AGT: variants seen among roughly 807,000 people sequenced by gnomAD.
AGT encodes the protein angiotensinogen, also known as alpha-1 antiproteinase, antitrypsin.
A neutral mutation model predicts 28.1 loss-of-function variants in AGT; 26 were observed. That is an observed-to-expected ratio of 0.92 (90% confidence interval 0.68 to 1.28). The LOEUF is 1.28. Ranked by LOEUF, AGT falls within the 50% of genes most tolerant of loss-of-function variation. AGT has a pLI of 0.00. For synonymous variants in AGT, 259 were observed against 259.6 expected (o/e 1.00, Z 0.02); for missense variants, 596 against 592.3 (o/e 1.01, Z -0.06).
intron 3 of AGT, 136 bp downstream of exon 3, chr1:230,705,797 C>A (rs111650082): frequency 8.7e-7 from 1 of 1,147,140 alleles, no homozygotes; most frequent in Non-Finnish European, 1.3e-6. Context: ...GGCCGCCTGC[C>A]CAGCCCCGTG....
chr1:230,732,917 C>T (rs905554496), intron 1 of AGT, among the ~76,000 whole-genome samples: 2 of 151,992 alleles, frequency 1.3e-5, no homozygotes, highest in African/African-American at 4.8e-5. Context: ...ACTGTATTAA[C>T]ACAGTGAATG....
At position 230,702,776 on chromosome 1, in the gene AGT, C is replaced by T. The variant is rs1342397833; in HGVS notation, c.*365G>A. The T allele has an allele frequency of 1.6e-5, 4 of 257,324 alleles. No individual in the cohort carries two copies. The South Asian group carries it at 2.1e-4, about 13-fold the overall frequency. The allele number at this position is 257,324 out of a possible 1,614,324, so 15.9% of individuals were successfully genotyped here. On this transcript the variant is annotated 3_prime_UTR_variant, in exon 5 of 5. Transcript: ENST00000366667. ...TTAATTTTAAAACCCAATTTTTGTTCTCAACTTGAAAAGGGAACACTTTTT... is the reference window on the plus strand; with the variant it reads ...TTAATTTTAAAACCCAATTTTTGTTTTCAACTTGAAAAGGGAACACTTTTT...
At chr1:230,706,824 G>A (rs1163906880) in intron 2 of AGT, among the ~76,000 whole-genome samples, 2 of 152,166 alleles carry the variant, frequency 1.3e-5, no homozygotes, top group East Asian at 1.9e-4. Flanking sequence ...AGGTTTGGAC[G>A]CACGTAGAAT....
chr1:230,704,086 G>A, intron 4 of AGT, 107 bp downstream of exon 4: 1 of 1,553,768 alleles, frequency 6.4e-7, no homozygotes, highest in Non-Finnish European at 8.8e-7. Context: ...GCTCCCTCTT[G>A]CCCTGCTGGC....
chr1:230,706,243 A>G, intron 2 of AGT, 43 bp from the exon 3 acceptor site: 1 of 1,605,130 alleles, frequency 6.2e-7, no homozygotes, highest in Non-Finnish European at 8.5e-7. Flanking sequence ...GTCACCCAAG[A>G]CAGGGGCAGG....
At position 230,710,387 on chromosome 1, in the gene AGT, G is replaced by A. The variant is rs143437550; in HGVS notation, c.437C>T (p.Ala146Val). 10 of 1,614,100 alleles carry A rather than the reference G, an allele frequency of 6.2e-6. No homozygotes were observed. Among genetic ancestry groups the A allele is most frequent in the South Asian group, 1.1e-5 (1 of 91,092 alleles). ...SLYLGALDHTADRLQAILGVP... is the reference protein window; with the variant it reads ...SLYLGALDHTVDRLQAILGVP... The stretch of plus-strand genomic sequence containing the variant: ...ACCCAGGATTGCCTGTAGCCTGTCA[G>A]CTGTGTGGTCCAAGGCTCCCAGATA... The change falls in exon 2 of 5, where the codon GCT becomes GTT. Residue 146 changes from alanine (A) to valine (V), a missense_variant. By Grantham distance (64) the Ala-to-Val change is moderately conservative (BLOSUM62 0). Coordinates refer to ENST00000366667, the MANE Select transcript of AGT (RefSeq NM_001384479.1).
intron 1 of AGT, among the ~76,000 whole-genome samples, chr1:230,728,547 C>T (rs1663993524): frequency 6.6e-6 from 1 of 152,278 alleles, no homozygotes; most frequent in African/African-American, 2.4e-5. Flanking sequence ...TTATAATTTT[C>T]GCTAAGGAGG....
At chr1:230,713,709 G>A (rs542676613) in intron 1 of AGT, among the ~76,000 whole-genome samples, 164 of 152,258 alleles carry the variant, frequency 1.1e-3, no homozygotes, top group Middle Eastern at 6.8e-3. Context: ...GACCGAGCCC[G>A]GCCCTTCCCT....
intron 1 of AGT, among the ~76,000 whole-genome samples, chr1:230,731,291 T>G (rs1260358882): frequency 8.5e-5 from 13 of 152,136 alleles, no homozygotes; most frequent in Admixed American, 8.5e-4. Flanking sequence ...CTTCTAGCGG[T>G]CCCACAGGCC....
intron 1 of AGT, among the ~76,000 whole-genome samples, chr1:230,725,095 T>A (rs967599757): frequency 3.3e-5 from 5 of 152,118 alleles, no homozygotes; most frequent in Non-Finnish European, 7.4e-5. Flanking sequence ...AAATAGAAAA[T>A]GTTTCATTAA....
intron 1 of AGT, among the ~76,000 whole-genome samples, chr1:230,741,697 G>C (rs563795753): frequency 6.6e-6 from 1 of 152,328 alleles, no homozygotes; most frequent in East Asian, 1.9e-4. Context: ...ACCTTGGGAG[G>C]GGATGGATAG....
chr1:230,714,749 A>G (rs1663695754), upstream of AGT, among the ~76,000 whole-genome samples: 1 of 152,244 alleles, frequency 6.6e-6, no homozygotes. Context: ...ATTGAAAGAC[A>G]CAAACAAAAT....
chr1:230,735,856 T>C (rs1664145962), intron 1 of AGT, among the ~76,000 whole-genome samples: 1 of 152,206 alleles, frequency 6.6e-6, no homozygotes, highest in Non-Finnish European at 1.5e-5. Context: ...GCTCAGTCTA[T>C]CATGGTCTTC....
chr1:230,721,200 C>T (rs1663837137), intron 1 of AGT, among the ~76,000 whole-genome samples: 1 of 152,248 alleles, frequency 6.6e-6, no homozygotes, highest in Admixed American at 6.5e-5. Context: ...AGAGCTTTCT[C>T]TGTCCTTTTA....
chr1:230,707,795 C>G (rs1372969975), intron 2 of AGT, among the ~76,000 whole-genome samples: 1 of 152,196 alleles, frequency 6.6e-6, no homozygotes, highest in East Asian at 1.9e-4. Context: ...GCCGTCTTCC[C>G]TCTGCTCGTC....
intron 1 of AGT, among the ~76,000 whole-genome samples, chr1:230,728,795 C>T (rs1663999434): frequency 6.6e-6 from 1 of 152,192 alleles, no homozygotes; most frequent in Non-Finnish European, 1.5e-5. Context: ...TTGCTCTTGC[C>T]TCACATCCTC....
chr1:230,728,219 T>G (rs2148579), intron 1 of AGT, among the ~76,000 whole-genome samples: 9,112 of 151,830 alleles, frequency 0.06, 368 homozygotes, highest in Middle Eastern at 0.14. Context: ...GGGTCTAGAG[T>G]AGTGATGTTA....
intron 1 of AGT, among the ~76,000 whole-genome samples, chr1:230,721,801 C>T (rs1231914778): frequency 6.6e-6 from 1 of 152,092 alleles, no homozygotes; most frequent in African/African-American, 2.4e-5. Flanking sequence ...GAGAAATGAT[C>T]TGAAATAGGA....
At chr1:230,703,744 A>G (rs530324789) in intron 4 of AGT, among the ~76,000 whole-genome samples, 2 of 152,308 alleles carry the variant, frequency 1.3e-5, no homozygotes, top group East Asian at 3.9e-4. Flanking sequence ...CACTGAGCAC[A>G]GGGCCCAGAA....
Sources: gnomAD v4.1 joint callset for allele counts (sites outside exome capture counted in the v4.1 genomes callset) on GRCh38, gnomAD v4.1.1 for gene constraint, MANE v1.5 for transcripts, NCBI Gene and HGNC (gene_info 2026-07-23, HGNC 2026-07-21) for gene names.